Variants in PCDHGB2 observed in about 807,000 individuals in gnomAD.
PCDHGB2 encodes the protein protocadherin gamma subfamily B, 2, also known as protocadherin gamma-B2.
PCDHGB2 carries 55 observed loss-of-function variants against 59.3 expected under a neutral mutation model. The observed-to-expected ratio is 0.93, with a 90% CI of 0.75 to 1.16. The LOEUF is 1.16. Among genes scored for constraint, PCDHGB2 ranks in the 50% most tolerant of loss-of-function variants. The pLI, the probability that PCDHGB2 is intolerant of heterozygous loss-of-function variation, is 0.00. For synonymous variants in PCDHGB2, 516 were observed against 512.0 expected (o/e 1.01, Z -0.11); for missense variants, 1,228 against 1,198.5 (o/e 1.02, Z -0.36).
At chr5:141,442,754 T>C (rs2098341364) in intron 1 of PCDHGB2, among the ~76,000 whole-genome samples, 1 of 152,220 alleles carries the variant, frequency 6.6e-6, no homozygotes, top group Non-Finnish European at 1.5e-5. Flanking sequence ...GTTTTGATTA[T>C]ATATATTTGT....
Position 141,437,685 on chromosome 5 carries a change from G to A in PCDHGB2, c.2422-57122G>A, listed in dbSNP as rs116699614. ...GAAGAGATGTTGATCAAACTGATGA[G>A]GCTAAATCTCAAGAAAGAGACACAG... On this transcript the variant is annotated intron_variant, in intron 1 of 3. Coordinates refer to ENST00000522605, the MANE Select transcript of PCDHGB2 (RefSeq NM_018923.3). Among the ~76,000 whole-genome samples the A allele has an allele frequency of 1.0e-2, 1,519 of 151,976 alleles. 34 individuals carry two copies. The highest frequency in any genetic ancestry group is 0.034 in the African/African-American group (1,425 of 41,440).
At chr5:141,412,264 CT>C (rs765219351) in intron 1 of PCDHGB2, 4 of 152,206 alleles carry the variant, frequency 2.6e-5, no homozygotes, top group Non-Finnish European at 4.4e-5. Context: ...TTTTCTAAAA[CT>C]TTTAGTACTT....
At chr5:141,425,296 T>A (rs1283179158) in intron 1 of PCDHGB2, among the ~76,000 whole-genome samples, 1 of 152,194 alleles carries the variant, frequency 6.6e-6, no homozygotes, top group Non-Finnish European at 1.5e-5. Flanking sequence ...TAAAACCTCA[T>A]CTAAACTAAC....
chr5:141,384,219 G>A lies in PCDHGB2; in HGVS notation c.2421+21663G>A, dbSNP rs1283583728. The A allele has an allele frequency of 2.5e-6, 4 of 1,613,744 alleles. No individual in the cohort carries two copies. The East Asian group carries it at 8.9e-5, about 36-fold the overall frequency. On this transcript the variant is annotated intron_variant, in intron 1 of 3. Coordinates refer to ENST00000522605, the MANE Select transcript of PCDHGB2 (RefSeq NM_018923.3). ...TGTCCAGGGAAACTCACATATTCAT[G>A]CAGGTGGCAGACACCAACGATAACC... is the stretch of plus-strand genomic sequence containing the variant.
chr5:141,470,718 G>A (rs916720866), intron 1 of PCDHGB2, among the ~76,000 whole-genome samples: 2 of 152,022 alleles, frequency 1.3e-5, no homozygotes, highest in Non-Finnish European at 2.9e-5. Flanking sequence ...ATTTTTTTGA[G>A]TCAGGGTCTT....
intron 1 of PCDHGB2, chr5:141,403,047 G>T: frequency 6.2e-7 from 1 of 1,614,062 alleles, no homozygotes; most frequent in Non-Finnish European, 8.5e-7. Flanking sequence ...AGTCAGATTC[G>T]CTACTCAGTG....
intron 1 of PCDHGB2, chr5:141,404,094 A>C: frequency 6.2e-7 from 1 of 1,613,620 alleles, no homozygotes; most frequent in South Asian, 1.1e-5. Context: ...AAGAATGGTC[A>C]AGTTGTCTGT....
chr5:141,368,214 T>C (rs983603842), intron 1 of PCDHGB2, among the ~76,000 whole-genome samples: 12 of 152,194 alleles, frequency 7.9e-5, no homozygotes, highest in African/African-American at 2.9e-4. Flanking sequence ...ATATTACAAA[T>C]GGGATAGTAA....
At chr5:141,365,047 G>T (rs1436850571) in intron 1 of PCDHGB2, 15 of 1,613,686 alleles carry the variant, frequency 9.3e-6, no homozygotes, top group Non-Finnish European at 1.3e-5. Flanking sequence ...ACGACAATGC[G>T]CCCCTGTTCA....
intron 1 of PCDHGB2, chr5:141,426,867 G>C (rs1436078091): frequency 2.2e-6 from 1 of 456,590 alleles, no homozygotes; most frequent in African/African-American, 2.0e-5. Flanking sequence ...ATTAGTGCTG[G>C]AGAAGCCCCT....
At chr5:141,373,472 A>G (rs1012142467) in intron 1 of PCDHGB2, among the ~76,000 whole-genome samples, 1 of 152,230 alleles carries the variant, frequency 6.6e-6, no homozygotes, top group African/African-American at 2.4e-5. Context: ...GCAATGAGCT[A>G]TAATTGTGCC....
intron 1 of PCDHGB2, among the ~76,000 whole-genome samples, chr5:141,434,192 A>G (rs2097676888): frequency 6.6e-6 from 1 of 152,194 alleles, no homozygotes; most frequent in Non-Finnish European, 1.5e-5. Context: ...TGTAATTCCA[A>G]TGTACTTACT....
At position 141,511,575 on chromosome 5, in the gene PCDHGB2, T is replaced by C. The variant is rs930675653; in HGVS notation, c.*402T>C. On this transcript the variant is annotated 3_prime_UTR_variant, in exon 4 of 4. Transcript: ENST00000522605. ...AGTTCCTCTTTCCCGAGTAAGGTGG[T>C]TGGGGTGTTGAAGTACCAAGTAACC... 28 of 287,258 alleles carry C rather than the reference T, an allele frequency of 9.7e-5. No individual in the cohort carries two copies. Among genetic ancestry groups the C allele is most frequent in the Middle Eastern group, 1.3e-3 (1 of 784 alleles). The allele number at this position is 287,258 out of a possible 1,614,324, so 17.8% of individuals were successfully genotyped here.
chr5:141,409,725 G>A (rs1416188591), intron 1 of PCDHGB2: 1 of 1,613,172 alleles, frequency 6.2e-7, no homozygotes, highest in Non-Finnish European at 8.5e-7. Context: ...GTGTCAGTGA[G>A]CGCGCAGAGC....
Position 141,485,436 on chromosome 5 carries a change from A to G in PCDHGB2, c.2422-9371A>G, listed in dbSNP as rs2099613369. On this transcript the variant is annotated intron_variant, in intron 1 of 3. Transcript: ENST00000522605. This position sits in a 1 kb window ranked among gnomAD's most constrained non-coding sequence, Gnocchi z 5.7. ...GACAGCGGAGCCCTGCTCATCAAGA[A>G]CCCAATCGACCGAGAGGCACTGTGT... 1.9e-6 allele frequency: 3 copies of G among 1,614,092 alleles called. No individual in the cohort carries two copies. The highest frequency in any genetic ancestry group is 2.7e-5 in the African/African-American group (2 of 74,934).
rs1193497090 is a variant in PCDHGB2 at position 141,485,890 on chromosome 5, C to T, written c.2422-8917C>T. On this transcript the variant is annotated intron_variant, in intron 1 of 3. Coordinates refer to ENST00000522605, the MANE Select transcript of PCDHGB2 (RefSeq NM_018923.3). This position sits in a 1 kb window ranked among gnomAD's most constrained non-coding sequence, Gnocchi z 5.7. ...CCGTGCTGGACGTAAACGACAACGC[C>T]CCAGCCTTCCAGCAATCCAGCTACA... The T allele has an allele frequency of 6.2e-6, 10 of 1,614,156 alleles. No homozygotes were observed. Among genetic ancestry groups the T allele is most frequent in the Non-Finnish European group, 6.8e-6 (8 of 1,180,022 alleles).
In PCDHGB2 at chr5:141,485,580, A is replaced by C. The variant is rs761157560; in HGVS notation, c.2422-9227A>C. The C allele has an allele frequency of 6.2e-7, 1 of 1,612,610 alleles. No homozygotes were observed. The highest frequency in any genetic ancestry group is 2.2e-5 in the East Asian group (1 of 44,850). ...GATCACGCCCCCCGTTTTCCGCGGCAGCAGCTGGACTTGGAAATTGGGGAG... is the reference window on the plus strand; with the variant it reads ...GATCACGCCCCCCGTTTTCCGCGGCCGCAGCTGGACTTGGAAATTGGGGAG... On this transcript the variant is annotated intron_variant, in intron 1 of 3. Transcript: ENST00000522605. The surrounding 1 kb of genome is among the most constrained non-coding windows in gnomAD (Gnocchi z 5.7).
chr5:141,434,667 G>T (rs1464226862), intron 1 of PCDHGB2, among the ~76,000 whole-genome samples: 3 of 152,074 alleles, frequency 2.0e-5, no homozygotes, highest in East Asian at 3.9e-4. Context: ...CTATAGAAAT[G>T]ATGCTAATGA....
At chr5:141,362,994 C>A (rs1023697492) in intron 1 of PCDHGB2, among the ~76,000 whole-genome samples, 1 of 152,232 alleles carries the variant, frequency 6.6e-6, no homozygotes, top group East Asian at 1.9e-4. Flanking sequence ...AATGGCATGG[C>A]TTGTTAATCA....
Sources: gnomAD v4.1 joint callset for allele counts (sites outside exome capture counted in the v4.1 genomes callset) on GRCh38, gnomAD v4.1.1 for gene constraint, Gnocchi (gnomAD v3.1) non-coding constraint, MANE v1.5 for transcripts, NCBI Gene and HGNC (gene_info 2026-07-23, HGNC 2026-07-21) for gene names.